Variants in CSTF3 observed in about 807,000 individuals in gnomAD.
CSTF3 encodes the protein CF-1 77 kDa subunit.
In CSTF3, 29 loss-of-function variants were observed where a neutral mutation model predicts 105.8. That is an observed-to-expected ratio of 0.27 (90% CI 0.20 to 0.37). The LOEUF is 0.37. Ranked by LOEUF, CSTF3 falls within the 10% of genes least tolerant of loss-of-function variation. The pLI is 1.00. For missense variants in CSTF3, 357 were observed against 879.3 expected, an observed-to-expected ratio of 0.41 and a Z score of 7.51; for synonymous variants, 252 against 281.9, an observed-to-expected ratio of 0.89 and a Z score of 1.06.
rs1284968775 is a variant in CSTF3, at chr11:33,098,744, C to G, written c.1074G>C (p.Lys358Asn). The G allele has an allele frequency of 6.5e-7, 1 of 1,543,104 alleles. No individual in the cohort carries two copies. The stretch of plus-strand genomic sequence containing the variant: ...GAAGTCTGTTATATATACTGTGAAC[C>G]TTTTCATACTTCATGCGACTCTAAG... ...DYEESRMKYE[K>N]VHSIYNRLLA... The change falls in exon 13 of 21, where the codon AAG (lysine) becomes AAC (asparagine). Residue 358 changes from lysine (K) to asparagine (N), a missense_variant. By Grantham distance (94) the Lys-to-Asn change is moderately conservative (BLOSUM62 0). Around this residue, in one of 4 missense-constraint regions of CSTF3, gnomAD observed 206 missense variants for 576.5 expected, o/e 0.36. Coordinates refer to ENST00000323959, the MANE Select transcript of CSTF3 (RefSeq NM_001326.3).
intron 3 of CSTF3, 102 bp from the exon 4 acceptor site, chr11:33,108,520 G>T: frequency 1.2e-6 from 1 of 840,620 alleles, no homozygotes; most frequent in Non-Finnish European, 1.6e-6. Flanking sequence ...CATCCCTATA[G>T]TTTCTTATTA....
chr11:33,144,165 A>G (rs1397176704), intron 1 of CSTF3, among the ~76,000 whole-genome samples: 1 of 152,090 alleles, frequency 6.6e-6, no homozygotes, highest in African/African-American at 2.4e-5. Flanking sequence ...TCATGGAACA[A>G]TTCAGTCAAA....
intron 16 of CSTF3, among the ~76,000 whole-genome samples, chr11:33,091,418 C>A (rs960081733): frequency 3.9e-5 from 6 of 152,080 alleles, no homozygotes; most frequent in Middle Eastern, 3.2e-3. Flanking sequence ...CACTGGTGGA[C>A]ATTATTGTTA....
In CSTF3 at chr11:33,131,252, T is replaced by A. The variant is rs202178433; in HGVS notation, c.225+10415A>T. 3.9e-5 allele frequency among the ~76,000 whole-genome samples: 6 copies of A among 152,332 alleles called. No homozygotes were observed. In the East Asian group the frequency reaches 1.2e-3, roughly 29 times the overall value. Reference sequence around the variant, plus strand: ...TGGCTACACAGAAGTTATTGTACCATAAAATCTTCTAAAAAGGTTTGCTTA... The same window carrying A: ...TGGCTACACAGAAGTTATTGTACCAAAAAATCTTCTAAAAAGGTTTGCTTA... On this transcript the variant is annotated intron_variant, in intron 3 of 20. Transcript: ENST00000323959.
intron 3 of CSTF3, among the ~76,000 whole-genome samples, chr11:33,119,481 CA>C (rs1484401931): frequency 2.6e-5 from 4 of 151,658 alleles, no homozygotes; most frequent in African/African-American, 4.8e-5. Flanking sequence ...AATCACTTTC[CA>C]AAAACAGGAT....
At position 33,099,145 on chromosome 11, in the gene CSTF3, C is replaced by G; in HGVS notation, c.942G>C (p.Met314Ile). Residue 314 changes from methionine (M) to isoleucine (I), a missense_variant, in exon 12 of 21, where the codon ATG becomes ATC. By Grantham distance (10) the Met-to-Ile change is conservative (BLOSUM62 1). Transcript: ENST00000323959. The surrounding 1 kb of genome is among the most constrained non-coding windows in gnomAD (Gnocchi z 4.1). ...SSKLLAEKGDMNNAKLFSDEA... is the reference protein window; with the variant it reads ...SSKLLAEKGDINNAKLFSDEA... ...CATCACTAAATAATTTGGCATTATT[C>G]ATATCCTGGTAGAAAAAAAAGAAAG... 6.4e-7 allele frequency: 1 copy of G among 1,574,396 alleles called. No individual in the cohort carries two copies.
At chr11:33,132,750 T>C (rs1372074689) in intron 3 of CSTF3, among the ~76,000 whole-genome samples, 1 of 152,228 alleles carries the variant, frequency 6.6e-6, no homozygotes, top group Non-Finnish European at 1.5e-5. Flanking sequence ...ACTGAAAACT[T>C]TTAACGAGTT....
intron 3 of CSTF3, among the ~76,000 whole-genome samples, chr11:33,119,743 T>C (rs756486704): frequency 4.0e-5 from 6 of 151,826 alleles, no homozygotes; most frequent in Non-Finnish European, 5.9e-5. Context: ...CTGTTTTTGA[T>C]ACCCTATCAC....
At chr11:33,100,124 A>G (rs1196088926) in intron 10 of CSTF3, among the ~76,000 whole-genome samples, 1 of 151,894 alleles carries the variant, frequency 6.6e-6, no homozygotes, top group Non-Finnish European at 1.5e-5. Flanking sequence ...TGGGAGGCCA[A>G]GGCAGGCGGA....
Position 33,144,357 on chromosome 11 carries a change from A to G in CSTF3, c.28-2371T>C, listed in dbSNP as rs1192149060. Among the ~76,000 whole-genome samples, 6 of 152,250 alleles carry G rather than the reference A, an allele frequency of 3.9e-5. No individual in the cohort carries two copies. In the East Asian group the frequency reaches 5.8e-4, roughly 15 times the overall value. ...TAAAATTAGGATGCTTTCCTAACATATAAGAACTTTATGAATAGCTTGCTC... is the reference window on the plus strand; with the variant it reads ...TAAAATTAGGATGCTTTCCTAACATGTAAGAACTTTATGAATAGCTTGCTC... On this transcript the variant is annotated intron_variant, in intron 1 of 20. Transcript: ENST00000323959.
In CSTF3 at chr11:33,099,707, A is replaced by C. The variant is rs531919563; in HGVS notation, c.837T>G (p.Ala279=). 1 of 1,590,990 alleles carries C rather than the reference A, an allele frequency of 6.3e-7. No individual in the cohort carries two copies. Among genetic ancestry groups the C allele is most frequent in the African/African-American group, 1.3e-5 (1 of 74,324 alleles). The part of the protein sequence containing the change: ...QTLITKRVMF[A]YEQCLLVLGH... ...CCAGCACAAGCAGGCACTGTTCATA[A>C]GCAAACATAACTAAGGGAAGAAATT... is the stretch of plus-strand genomic sequence containing the variant. Residue 279 remains alanine, a synonymous_variant, in exon 11 of 21, where the codon GCT becomes GCG. Transcript: ENST00000323959. The surrounding 1 kb of genome is among the most constrained non-coding windows in gnomAD (Gnocchi z 4.1).
chr11:33,156,725 G>C, intron 1 of CSTF3: 1 of 454,020 alleles, frequency 2.2e-6, no homozygotes, highest in South Asian at 1.6e-5. Flanking sequence ...CCAACAGTTT[G>C]GAAGGCTGAG....
intron 1 of CSTF3, among the ~76,000 whole-genome samples, chr11:33,158,874 G>A (rs906233368): frequency 2.0e-5 from 3 of 152,126 alleles, no homozygotes; most frequent in African/African-American, 7.2e-5. Flanking sequence ...GAAAAGCAGT[G>A]TTAAGTGTCC....
chr11:33,133,226 T>C (rs946232951), intron 3 of CSTF3, among the ~76,000 whole-genome samples: 1 of 152,156 alleles, frequency 6.6e-6, no homozygotes, highest in African/African-American at 2.4e-5. Flanking sequence ...AATAAACATA[T>C]TGAAAAACAC....
intron 3 of CSTF3, among the ~76,000 whole-genome samples, chr11:33,122,914 C>CAAAAAAAAAAAAAAA (rs10600978): frequency 1.2e-4 from 10 of 83,810 alleles, no homozygotes; most frequent in Non-Finnish European, 2.0e-4. Flanking sequence ...TATCCTGTCT[C>CAAAAAAAAAAAAAAA]AAAAAAAAAA....
chr11:33,154,771 A>C (rs1849838519), intron 1 of CSTF3, among the ~76,000 whole-genome samples: 1 of 152,170 alleles, frequency 6.6e-6, no homozygotes, highest in South Asian at 2.1e-4. Flanking sequence ...CTGGGATTAC[A>C]GACAGGCGTG....
At chr11:33,125,755 G>A (rs397935) in intron 3 of CSTF3, among the ~76,000 whole-genome samples, 84,508 of 151,936 alleles carry the variant, frequency 0.56, 26,097 homozygotes, top group Non-Finnish European at 0.69. Flanking sequence ...TGCTGCCTGA[G>A]GTCCTGAAGC....
Position 33,099,165 on chromosome 11 carries a change from A to AG in CSTF3, c.937-16dup, listed in dbSNP as rs776205623. ...TTATTCATATCCTGGTAGAAAAAAAAGAAAGCTCATCTTCAATAATTTTAA... is the reference window on the plus strand; with the variant it reads ...TTATTCATATCCTGGTAGAAAAAAAAGGAAAGCTCATCTTCAATAATTTTAA... On this transcript the variant is annotated splice_polypyrimidine_tract_variant and intron_variant, in intron 11 of 20. Transcript: ENST00000323959. This position sits in a 1 kb window ranked among gnomAD's most constrained non-coding sequence, Gnocchi z 4.1. The AG allele has an allele frequency of 1.3e-6, 2 of 1,571,558 alleles. No individual in the cohort carries two copies. Among genetic ancestry groups the AG allele is most frequent in the Non-Finnish European group, 1.7e-6 (2 of 1,169,836 alleles).
intron 15 of CSTF3, among the ~76,000 whole-genome samples, chr11:33,092,744 GCAAACT>G (rs1186196771): frequency 3.3e-5 from 5 of 152,168 alleles, no homozygotes; most frequent in Non-Finnish European, 5.9e-5. Context: ...TGGAAGGATG[GCAAACT>G]CAAACTTAGA....
Sources: gnomAD v4.1 joint callset for allele counts (sites outside exome capture counted in the v4.1 genomes callset) on GRCh38, gnomAD v4.1.1 for gene constraint, gnomAD v4.1.1 regional missense constraint, Gnocchi (gnomAD v3.1) non-coding constraint, MANE v1.5 for transcripts, NCBI Gene and HGNC (gene_info 2026-07-23, HGNC 2026-07-21) for gene names.